Variants in PLCH1 observed in about 807,000 individuals in gnomAD.
The protein encoded by PLCH1 is 1-phosphatidylinositol 4,5-bisphosphate phosphodiesterase eta-1.
A neutral mutation model predicts 126.7 loss-of-function variants in PLCH1; 60 were observed. That is an observed-to-expected ratio of 0.47 (90% confidence interval 0.38 to 0.59). The LOEUF is 0.59. Ranked by LOEUF, PLCH1 falls within the 20% of genes least tolerant of loss-of-function variation. The pLI is 0.00. For missense variants in PLCH1, 1,723 were observed against 2,040.0 expected (o/e 0.84, Z 2.99); for synonymous variants, 719 against 734.9 (o/e 0.98, Z 0.35).
At chr3:155,723,964 A>T (rs1401291276) in intron 1 of PLCH1, among the ~76,000 whole-genome samples, 1 of 151,718 alleles carries the variant, frequency 6.6e-6, no homozygotes, top group Non-Finnish European at 1.5e-5. Context: ...AAAAAAAAAA[A>T]AAAAAAAAAA....
intron 2 of PLCH1, among the ~76,000 whole-genome samples, chr3:155,696,003 C>T (rs548721970): frequency 4.2e-4 from 64 of 152,214 alleles, no homozygotes; most frequent in African/African-American, 1.5e-3. Context: ...ACCTGGAGAG[C>T]ATCTGTGGAG....
chr3:155,734,628 TG>T (rs1749016134), intron 1 of PLCH1, among the ~76,000 whole-genome samples: 2 of 152,240 alleles, frequency 1.3e-5, no homozygotes, highest in East Asian at 3.9e-4. Context: ...TTATGGAATC[TG>T]ACCTAAGTGT....
intron 2 of PLCH1, among the ~76,000 whole-genome samples, chr3:155,618,277 C>T (rs1412291630): frequency 6.6e-6 from 1 of 151,954 alleles, no homozygotes; most frequent in African/African-American, 2.4e-5. Context: ...TAAATCTTTT[C>T]TGGATTACAA....
chr3:155,527,774 G>A (rs1212822299), intron 10 of PLCH1, among the ~76,000 whole-genome samples: 2 of 152,090 alleles, frequency 1.3e-5, no homozygotes, highest in Non-Finnish European at 2.9e-5. Context: ...ACAAAAATTA[G>A]CCAGGCGTGG....
chr3:155,497,053 C>T (rs1405514388), intron 15 of PLCH1, among the ~76,000 whole-genome samples: 1 of 152,168 alleles, frequency 6.6e-6, no homozygotes, highest in African/African-American at 2.4e-5. Flanking sequence ...CCCTGAGGCA[C>T]TTGTCTTTGT....
intron 1 of PLCH1, among the ~76,000 whole-genome samples, chr3:155,718,792 T>C (rs1027569967): frequency 2.6e-5 from 4 of 152,180 alleles, no homozygotes; most frequent in African/African-American, 9.7e-5. Context: ...CAATTCAACA[T>C]TATATTTGGC....
At chr3:155,523,830 G>C (rs547461246) in intron 11 of PLCH1, 67 bp downstream of exon 11, 2 of 881,020 alleles carry the variant, frequency 2.3e-6, no homozygotes, top group East Asian at 2.5e-5. Flanking sequence ...CAACACAGTA[G>C]CAACTTGGAA....
At chr3:155,655,445 A>G (rs962454021) in intron 2 of PLCH1, among the ~76,000 whole-genome samples, 1 of 151,820 alleles carries the variant, frequency 6.6e-6, no homozygotes, top group African/African-American at 2.4e-5. Context: ...AAAAAAAAGA[A>G]GAAGAAGAAG....
chr3:155,602,063 C>A (rs1733814692), intron 2 of PLCH1, among the ~76,000 whole-genome samples: 1 of 152,112 alleles, frequency 6.6e-6, no homozygotes. Context: ...CTAAACTCTT[C>A]CACTGGCACT....
Position 155,564,930 on chromosome 3 carries a change from A to T in PLCH1, c.1054T>A (p.Cys352Ser), listed in dbSNP as rs1219519344. ...GTGCACGTACCTTCCACACAGCGACAGCCCTCTTGCAGCACCCGTGCATAC... is the reference window on the plus strand; with the variant it reads ...GTGCACGTACCTTCCACACAGCGACTGCCCTCTTGCAGCACCCGTGCATAC... ...DMYARVLQEG[C>S]RCVEVDCWDG... The change falls in exon 8 of 23, where the codon TGT (cysteine) becomes AGT (serine). Residue 352 changes from cysteine to serine, a missense_variant. This residue lies in a region of PLCH1 where 776 missense variants were observed against 1,062.9 expected (regional missense o/e 0.73). Coordinates refer to ENST00000460012, the MANE Select transcript of PLCH1 (RefSeq NM_014996.4). The T allele has an allele frequency of 6.2e-7, 1 of 1,613,326 alleles. No homozygotes were observed. The highest frequency in any genetic ancestry group is 1.1e-5 in the South Asian group (1 of 91,054).
intron 2 of PLCH1, among the ~76,000 whole-genome samples, chr3:155,643,793 A>C: frequency 6.6e-6 from 1 of 152,246 alleles, no homozygotes; most frequent in East Asian, 1.9e-4. Context: ...TGTTCAGTAA[A>C]TATTTGCTGA....
Position 155,684,643 on chromosome 3 carries a change from C to CCTCA in PLCH1, c.79+19499_79+19502dup, listed in dbSNP as rs938349203. The stretch of plus-strand genomic sequence containing the variant: ...CCCTTAAATGGTTGAGGCAGGGAGA[C>CCTCA]CTCACTCCTCTTTCTAAAAGAAAAC... On this transcript the variant is annotated intron_variant, in intron 2 of 22. Transcript: ENST00000460012. 3.1e-4 allele frequency among the ~76,000 whole-genome samples: 47 copies of CCTCA among 152,204 alleles called. 1 individual carries two copies. The highest frequency in any genetic ancestry group is 1.1e-3 in the African/African-American group (44 of 41,542).
At chr3:155,458,583 G>GAAGA (rs1286817416) in intron 21 of PLCH1, among the ~76,000 whole-genome samples, 3 of 141,718 alleles carry the variant, frequency 2.1e-5, no homozygotes, top group East Asian at 4.1e-4. Flanking sequence ...AGAAAGAAAG[G>GAAGA]AAGAAAGAAA....
At chr3:155,494,553 A>T in intron 15 of PLCH1, 36 bp from the exon 16 acceptor site, 1 of 1,536,158 alleles carries the variant, frequency 6.5e-7, no homozygotes, top group South Asian at 1.1e-5. Flanking sequence ...GGAAGTGAGA[A>T]CTACAGCAAA....
At chr3:155,677,768 G>A (rs1237516176) in intron 2 of PLCH1, among the ~76,000 whole-genome samples, 1 of 152,144 alleles carries the variant, frequency 6.6e-6, no homozygotes, top group East Asian at 1.9e-4. Context: ...CAGGAAAGGA[G>A]TGGACTTCAT....
At chr3:155,604,228 C>T (rs919161411) in intron 2 of PLCH1, among the ~76,000 whole-genome samples, 2 of 152,100 alleles carry the variant, frequency 1.3e-5, no homozygotes, top group Admixed American at 1.3e-4. Context: ...CAAATGGCTT[C>T]ACTTAAAAAG....
chr3:155,486,513 G>GAT (rs1715142406), intron 21 of PLCH1, among the ~76,000 whole-genome samples: 1 of 102,032 alleles, frequency 9.8e-6, no homozygotes, highest in Non-Finnish European at 1.9e-5. Context: ...GCTCAAGTTT[G>GAT]TTTTTTTTTT....
rs775060622 is a variant in PLCH1, at chr3:155,549,837, A to T, written c.1312T>A (p.Cys438Ser). The part of the protein sequence containing the change: ...LDLSSVDTGE[C>S]KQLPSPQSLK... ...CTTTGAGGGCTTGGAAGCTGCTTGCACTCCCCTGTATCAACAGATGACAGG... is the reference window on the plus strand; with the variant it reads ...CTTTGAGGGCTTGGAAGCTGCTTGCTCTCCCCTGTATCAACAGATGACAGG... The change falls in exon 10 of 23, where the codon TGC (cysteine) becomes AGC (serine). Residue 438 changes from cysteine (C) to serine (S), a missense_variant. This residue lies in a region of PLCH1 where 776 missense variants were observed against 1,062.9 expected (regional missense o/e 0.73). Transcript: ENST00000460012. 6.2e-7 allele frequency: 1 copy of T among 1,613,794 alleles called. No individual in the cohort carries two copies. The highest frequency in any genetic ancestry group is 8.5e-7 in the Non-Finnish European group (1 of 1,179,828).
chr3:155,548,892 C>T (rs902690427), intron 10 of PLCH1, among the ~76,000 whole-genome samples: 2 of 152,132 alleles, frequency 1.3e-5, no homozygotes, highest in Non-Finnish European at 2.9e-5. Flanking sequence ...CCATGTGCTG[C>T]TCTCCCTTAA....
Sources: allele counts gnomAD v4.1 joint callset (sites outside exome capture counted in the v4.1 genomes callset), GRCh38; gene constraint gnomAD v4.1.1; regional missense constraint gnomAD v4.1.1; transcripts MANE v1.5; gene names NCBI Gene and HGNC (gene_info 2026-07-23, HGNC 2026-07-21).